Variants in TNFSF4 observed in about 807,000 individuals in gnomAD.
TNFSF4 encodes tumor necrosis factor ligand superfamily member 4.
A neutral mutation model predicts 7.3 loss-of-function variants in TNFSF4; 4 were observed. The observed-to-expected ratio is 0.55, with a 90% CI of 0.27 to 1.25. The LOEUF (loss-of-function observed/expected upper bound fraction) is 1.25, where lower values mean the gene tolerates loss of function less well. Ranked by LOEUF, TNFSF4 falls within the 50% of genes most tolerant of loss-of-function variation. The probability of loss-of-function intolerance (pLI) is 0.12; values close to 1 mark genes in which losing one functional copy is unlikely to be tolerated. For missense variants in TNFSF4, 181 were observed against 208.8 expected (o/e 0.87, Z 0.82); for synonymous variants, 76 against 83.7 (o/e 0.91, Z 0.50).
At chr1:173,396,694 G>A in the TNFSF4 span, among the ~76,000 whole-genome samples, 1 of 152,168 alleles carries the variant, frequency 6.6e-6, no homozygotes, top group Non-Finnish European at 1.5e-5. Flanking sequence ...GGCCCACAGT[G>A]AGGGAATTTA....
At chr1:173,285,055 G>T in the TNFSF4 span, among the ~76,000 whole-genome samples, 6 of 152,130 alleles carry the variant, frequency 3.9e-5, no homozygotes, top group Admixed American at 1.3e-4. Context: ...AAACTTTCTG[G>T]AAAGGATTCA....
the TNFSF4 span, among the ~76,000 whole-genome samples, chr1:173,379,281 C>A: frequency 6.6e-6 from 1 of 152,002 alleles, no homozygotes; most frequent in Non-Finnish European, 1.5e-5. Context: ...ATCATGGGGA[C>A]TGGAGTCTTA....
the TNFSF4 span, among the ~76,000 whole-genome samples, chr1:173,214,249 T>C: frequency 1.3e-5 from 2 of 152,192 alleles, no homozygotes; most frequent in Admixed American, 6.5e-5. Flanking sequence ...ATGAACTAAC[T>C]TGGCCAAGGT....
chr1:173,288,055 T>C, the TNFSF4 span, among the ~76,000 whole-genome samples: 6 of 152,228 alleles, frequency 3.9e-5, no homozygotes, highest in Admixed American at 6.5e-5. Flanking sequence ...ACTCAATATC[T>C]TTAAAGTTTC....
chr1:173,282,197 G>A, the TNFSF4 span, among the ~76,000 whole-genome samples: 1 of 152,080 alleles, frequency 6.6e-6, no homozygotes, highest in African/African-American at 2.4e-5. Context: ...AGAATATTTA[G>A]GATGTTCCCA....
the TNFSF4 span, among the ~76,000 whole-genome samples, chr1:173,303,391 C>T: frequency 3.3e-5 from 5 of 151,802 alleles, no homozygotes; most frequent in Admixed American, 1.3e-4. Flanking sequence ...AGAGACTTTC[C>T]CCCCACCTCC....
At chr1:173,383,576 A>G in the TNFSF4 span, among the ~76,000 whole-genome samples, 1 of 152,270 alleles carries the variant, frequency 6.6e-6, no homozygotes, top group Non-Finnish European at 1.5e-5. Flanking sequence ...GGTTTTGGGA[A>G]TATCTGTTTG....
At chr1:173,333,210 CT>C in the TNFSF4 span, among the ~76,000 whole-genome samples, 1 of 152,118 alleles carries the variant, frequency 6.6e-6, no homozygotes, top group East Asian at 1.9e-4. Flanking sequence ...AAGCCTTATT[CT>C]GGGTGTGTCT....
the TNFSF4 span, among the ~76,000 whole-genome samples, chr1:173,228,372 C>G: frequency 6.6e-6 from 1 of 152,234 alleles, no homozygotes; most frequent in African/African-American, 2.4e-5. Flanking sequence ...AGGGTCCTGA[C>G]TGTTAGAAAG....
chr1:173,186,492 G>C lies in TNFSF4; in HGVS notation c.*24C>G. 6.3e-7 allele frequency: 1 copy of C among 1,576,158 alleles called. No homozygotes were observed. The highest frequency in any genetic ancestry group is 8.7e-7 in the Non-Finnish European group (1 of 1,154,296). On this transcript the variant is annotated 3_prime_UTR_variant, in exon 3 of 3. Transcript: ENST00000281834. ...AGCTTGGTGTTCATGCTGGTGCCTG[G>C]TTTTAGATATTGCCATCAGCCCCTC...
At chr1:173,292,578 GA>G in the TNFSF4 span, among the ~76,000 whole-genome samples, 1 of 151,604 alleles carries the variant, frequency 6.6e-6, no homozygotes, top group Non-Finnish European at 1.5e-5. Flanking sequence ...GAGAAGTGGG[GA>G]ATGACAAAGA....
chr1:173,419,159 G>A, the TNFSF4 span, among the ~76,000 whole-genome samples: 9 of 152,086 alleles, frequency 5.9e-5, no homozygotes, highest in Non-Finnish European at 1.3e-4. Context: ...CTAACACGGT[G>A]AAACCCCATC....
At chr1:173,345,073 T>G in the TNFSF4 span, among the ~76,000 whole-genome samples, 2 of 152,214 alleles carry the variant, frequency 1.3e-5, no homozygotes, top group Non-Finnish European at 2.9e-5. Context: ...GTAAACATAC[T>G]ATTTGAATGT....
chr1:173,294,332 C>G, the TNFSF4 span, among the ~76,000 whole-genome samples: 1 of 152,090 alleles, frequency 6.6e-6, no homozygotes, highest in South Asian at 2.1e-4. Flanking sequence ...GGCTATCATC[C>G]TAAGTAAACT....
chr1:173,185,342 A>T lies in TNFSF4; in HGVS notation c.*1174T>A, dbSNP rs1210896457. 1 of 152,236 alleles carries T rather than the reference A, an allele frequency of 6.6e-6. No homozygotes were observed. The highest frequency in any genetic ancestry group is 1.5e-5 in the Non-Finnish European group (1 of 68,030). 9.4% of individuals were successfully genotyped at this position (152,236 alleles called of 1,614,324 possible). On this transcript the variant is annotated 3_prime_UTR_variant, in exon 3 of 3. Coordinates refer to ENST00000281834, the MANE Select transcript of TNFSF4 (RefSeq NM_003326.5). ...ATCAAGTTAAGGGGACATTTCAACT[A>T]AACATAAGGGGATACTATTCCATTG...
At chr1:173,316,308 AAT>A in the TNFSF4 span, among the ~76,000 whole-genome samples, 8 of 152,152 alleles carry the variant, frequency 5.3e-5, no homozygotes, top group Non-Finnish European at 1.0e-4. Context: ...TTTTACCTTA[AAT>A]ATATGTAACT....
the TNFSF4 span, among the ~76,000 whole-genome samples, chr1:173,415,884 C>T: frequency 6.6e-6 from 1 of 152,260 alleles, no homozygotes; most frequent in Non-Finnish European, 1.5e-5. Flanking sequence ...CCTAAATGTG[C>T]GTATCTGTGG....
chr1:173,219,390 T>C, the TNFSF4 span, among the ~76,000 whole-genome samples: 36 of 152,304 alleles, frequency 2.4e-4, no homozygotes, highest in South Asian at 7.2e-3. Context: ...CTATTTACCT[T>C]TAAAGATCAT....
chr1:173,368,193 A>G, the TNFSF4 span, among the ~76,000 whole-genome samples: 1 of 152,162 alleles, frequency 6.6e-6, no homozygotes, highest in Non-Finnish European at 1.5e-5. Context: ...ACCCCCATTC[A>G]GCAGCAGCAA....
Sources: allele counts gnomAD v4.1 joint callset (sites outside exome capture counted in the v4.1 genomes callset), GRCh38; gene constraint gnomAD v4.1.1; transcripts MANE v1.5; gene names NCBI Gene and HGNC (gene_info 2026-07-23, HGNC 2026-07-21).